The following ASNS variants were observed in gnomAD, a reference collection of about 807,000 sequenced individuals.
ASNS encodes asparagine synthetase (glutamine-hydrolyzing), also known as asparagine synthetase [glutamine-hydrolyzing].
ASNS carries 37 observed loss-of-function variants against 62.6 expected under a neutral mutation model. The observed-to-expected ratio is 0.59, with a 90% CI of 0.45 to 0.78. The LOEUF is 0.78. Among genes scored for constraint, ASNS ranks in the 30% least tolerant of loss-of-function variants. The pLI is 0.00. For missense variants in ASNS, 520 were observed against 682.4 expected, an observed-to-expected ratio of 0.76 and a Z score of 2.65; for synonymous variants, 207 against 237.9, an observed-to-expected ratio of 0.87 and a Z score of 1.19.
chr7:97,883,684 C>G, the ASNS span, among the ~76,000 whole-genome samples: 18 of 152,088 alleles, frequency 1.2e-4, no homozygotes, highest in Non-Finnish European at 2.9e-5. Context: ...TCTGCTGTGT[C>G]GGTTAACAAT....
chr7:97,887,981 T>C, the ASNS span, among the ~76,000 whole-genome samples: 1 of 149,266 alleles, frequency 6.7e-6, no homozygotes, highest in Non-Finnish European at 1.5e-5. Flanking sequence ...CAACCTTTTG[T>C]TTGTTTGTTT....
intron 4 of ASNS, among the ~76,000 whole-genome samples, chr7:97,861,252 T>G (rs1175796230): frequency 6.6e-6 from 1 of 152,150 alleles, no homozygotes; most frequent in African/African-American, 2.4e-5. Context: ...GACCTCGTGA[T>G]CCACCCGCCT....
chr7:97,920,384 G>A, the ASNS span, among the ~76,000 whole-genome samples: 3 of 151,404 alleles, frequency 2.0e-5, no homozygotes, highest in Non-Finnish European at 2.9e-5. Context: ...CTCCAGAGCT[G>A]TACTCTCAAA....
chr7:97,862,551 T>C (rs1791772389), intron 4 of ASNS, among the ~76,000 whole-genome samples: 1 of 152,144 alleles, frequency 6.6e-6, no homozygotes, highest in Admixed American at 6.5e-5. Flanking sequence ...TACATGGCAT[T>C]AAACATTTGT....
intron 4 of ASNS, among the ~76,000 whole-genome samples, chr7:97,859,812 G>C (rs1368798446): frequency 6.6e-6 from 1 of 152,130 alleles, no homozygotes; most frequent in Non-Finnish European, 1.5e-5. Context: ...CATCACTGAG[G>C]TATTTTCAGA....
the ASNS span, among the ~76,000 whole-genome samples, chr7:97,891,123 G>A: frequency 2.1e-4 from 32 of 152,242 alleles, no homozygotes; most frequent in Non-Finnish European, 1.6e-4. Context: ...CCACATAGCT[G>A]AGGAAGCCTA....
chr7:97,859,421 T>G (rs7797354), intron 4 of ASNS, 23 bp from the exon 5 acceptor site: 1 of 1,569,912 alleles, frequency 6.4e-7, no homozygotes, highest in Non-Finnish European at 8.6e-7. Context: ...AATGATACCT[T>G]TATTCAAATT....
the ASNS span, among the ~76,000 whole-genome samples, chr7:97,910,535 G>A: frequency 6.6e-6 from 1 of 152,096 alleles, no homozygotes; most frequent in Non-Finnish European, 1.5e-5. Flanking sequence ...CCCCACAGGA[G>A]GGGGCTAACA....
the ASNS span, among the ~76,000 whole-genome samples, chr7:97,927,338 G>T: frequency 7.9e-5 from 12 of 152,104 alleles, no homozygotes; most frequent in Non-Finnish European, 1.6e-4. Context: ...CAGGCACAAC[G>T]CTAAGTCTTT....
chr7:97,910,590 T>A, the ASNS span, among the ~76,000 whole-genome samples: 1 of 143,728 alleles, frequency 7.0e-6, no homozygotes, highest in Admixed American at 7.5e-5. Context: ...CCTTTTATTA[T>A]GAGACCACAG....
chr7:97,874,723 C>A (rs183701075), upstream of ASNS, among the ~76,000 whole-genome samples: 167 of 112,312 alleles, frequency 1.5e-3, no homozygotes, highest in Admixed American at 2.2e-3. Context: ...TCAATAAATA[C>A]ATCAGGATGA....
upstream of ASNS, among the ~76,000 whole-genome samples, chr7:97,875,472 C>T (rs1363181915): frequency 3.3e-5 from 5 of 152,200 alleles, no homozygotes. Context: ...CGTTGCATGT[C>T]TGGGCTGTGT....
At chr7:97,856,849 TAAAGAA>T in intron 7 of ASNS, 33 bp from the exon 8 acceptor site, 1 of 1,546,360 alleles carries the variant, frequency 6.5e-7, no homozygotes, top group Non-Finnish European at 8.8e-7. Flanking sequence ...ATTTACTTGT[TAAAGAA>T]AATAACTTCC....
the ASNS span, among the ~76,000 whole-genome samples, chr7:97,908,011 G>C: frequency 6.6e-6 from 1 of 152,248 alleles, no homozygotes; most frequent in Non-Finnish European, 1.5e-5. Context: ...TGAATTGAAT[G>C]ACCATGACAA....
At chr7:97,917,358 G>T in the ASNS span, among the ~76,000 whole-genome samples, 7 of 152,238 alleles carry the variant, frequency 4.6e-5, no homozygotes, top group African/African-American at 1.7e-4. Context: ...GCTCACACAC[G>T]TGCACAAGCC....
the ASNS span, among the ~76,000 whole-genome samples, chr7:97,919,515 G>C: frequency 6.6e-6 from 1 of 152,208 alleles, no homozygotes; most frequent in Non-Finnish European, 1.5e-5. Context: ...ATAGGACAGA[G>C]TCAAAAAAGA....
At chr7:97,872,081 G>C (rs1376463379) in intron 1 of ASNS, 1 of 152,260 alleles carries the variant, frequency 6.6e-6, no homozygotes, top group Non-Finnish European at 1.5e-5. Context: ...GGAGCGGTCC[G>C]GCCTGCCGGC....
chr7:97,882,434 G>A, the ASNS span, among the ~76,000 whole-genome samples: 1 of 151,984 alleles, frequency 6.6e-6, no homozygotes, highest in Non-Finnish European at 1.5e-5. Context: ...TGTAAGCCCA[G>A]CTACTCGGGA....
At chr7:97,912,067 G>C in the ASNS span, among the ~76,000 whole-genome samples, 1 of 152,130 alleles carries the variant, frequency 6.6e-6, no homozygotes, top group South Asian at 2.1e-4. Context: ...GAAGAAACCA[G>C]CCTTGTGCAC....
Sources: allele counts gnomAD v4.1 joint callset (sites outside exome capture counted in the v4.1 genomes callset), GRCh38; gene constraint gnomAD v4.1.1; transcripts MANE v1.5; gene names NCBI Gene and HGNC (gene_info 2026-07-23, HGNC 2026-07-21).